Variants in FOXP2 observed in about 807,000 individuals in gnomAD.
FOXP2 encodes forkhead box protein P2.
Under a neutral mutation model 115.8 loss-of-function variants are expected in FOXP2, and 12 were observed. That is an observed-to-expected ratio of 0.10 (90% confidence interval 0.07 to 0.17). The LOEUF (loss-of-function observed/expected upper bound fraction) is 0.17. Ranked by LOEUF, FOXP2 falls within the 10% of genes least tolerant of loss-of-function variation. The pLI is 1.00. For synonymous variants in FOXP2, 328 were observed against 297.7 expected (o/e 1.10, Z -1.05); for missense variants, 629 against 843.5 (o/e 0.75, Z 3.15).
intron 2 of FOXP2, among the ~76,000 whole-genome samples, chr7:114,444,486 C>T (rs1337552526): frequency 6.6e-6 from 1 of 152,066 alleles, no homozygotes; most frequent in Non-Finnish European, 1.5e-5. Context: ...TTCTGCTAAG[C>T]CATGTTAGTA....
intron 2 of FOXP2, among the ~76,000 whole-genome samples, chr7:114,446,907 C>T (rs1479864248): frequency 6.6e-6 from 1 of 151,946 alleles, no homozygotes; most frequent in Admixed American, 6.6e-5. Context: ...TGCCAACACA[C>T]CTGGCTAATT....
Position 114,176,300 on chromosome 7 carries a change from C to CTT in FOXP2, c.-102+13213_-102+13214insTT, listed in dbSNP as rs778137071. ...TCTTTCTTTCTTTCTTTCTTTCTTTCTCTCTCTCTCTCTCTCTCTCTTTCT... is the reference window on the plus strand; with the variant it reads ...TCTTTCTTTCTTTCTTTCTTTCTTTCTTTCTCTCTCTCTCTCTCTCTCTTTCT... On this transcript the variant is annotated intron_variant, in intron 1 of 17. Coordinates refer to the FOXP2 transcript ENST00000634411. Among the ~76,000 whole-genome samples the CTT allele has an allele frequency of 2.5e-3, 272 of 106,852 alleles. 1 individual carries two copies. The highest frequency in any genetic ancestry group is 3.6e-3 in the African/African-American group (103 of 28,458). The allele number at this position is 106,852 out of a possible 152,430, so 70.1% of individuals were successfully genotyped here.
chr7:114,100,381 C>T (rs1799751718), intron 1 of FOXP2, among the ~76,000 whole-genome samples: 1 of 152,068 alleles, frequency 6.6e-6, no homozygotes, highest in Non-Finnish European at 1.5e-5. Context: ...ATAAGTGTTG[C>T]CTAATATAGA....
At chr7:114,133,271 A>G (rs1358228120) in intron 1 of FOXP2, among the ~76,000 whole-genome samples, 1 of 152,144 alleles carries the variant, frequency 6.6e-6, no homozygotes, top group African/African-American at 2.4e-5. Context: ...CCATAGAGAG[A>G]ACAGGTTTAT....
At chr7:114,165,874 A>T (rs890813445) in intron 1 of FOXP2, among the ~76,000 whole-genome samples, 1 of 152,228 alleles carries the variant, frequency 6.6e-6, no homozygotes, top group African/African-American at 2.4e-5. Flanking sequence ...ACTTAGTATA[A>T]AGCTAAGTAA....
intron 1 of FOXP2, among the ~76,000 whole-genome samples, chr7:114,230,362 A>G (rs916356634): frequency 6.6e-6 from 1 of 151,942 alleles, no homozygotes; most frequent in Non-Finnish European, 1.5e-5. Flanking sequence ...AACACTTCCA[A>G]ACTTATTTTA....
intron 3 of FOXP2, among the ~76,000 whole-genome samples, chr7:114,553,177 T>C (rs1487711922): frequency 6.6e-6 from 1 of 152,156 alleles, no homozygotes; most frequent in Non-Finnish European, 1.5e-5. Context: ...TGGAAACGAA[T>C]ATAGAGCTGG....
intron 1 of FOXP2, among the ~76,000 whole-genome samples, chr7:114,153,641 A>G (rs1792581386): frequency 6.6e-6 from 1 of 152,130 alleles, no homozygotes; most frequent in Admixed American, 6.6e-5. Flanking sequence ...CAAAGGTTGG[A>G]AGTTAACTCT....
intron 2 of FOXP2, among the ~76,000 whole-genome samples, chr7:114,396,639 A>G (rs1792749075): frequency 6.6e-6 from 1 of 151,962 alleles, no homozygotes; most frequent in Non-Finnish European, 1.5e-5. Flanking sequence ...GGAAGTATAG[A>G]GTAGAATGAT....
At chr7:114,263,649 A>G (rs1369396325) in intron 1 of FOXP2, among the ~76,000 whole-genome samples, 1 of 151,462 alleles carries the variant, frequency 6.6e-6, no homozygotes, top group African/African-American at 2.4e-5. Context: ...TCCCACCTTG[A>G]AATGTATTCT....
chr7:114,252,642 C>T (rs1480244759), intron 1 of FOXP2, among the ~76,000 whole-genome samples: 5 of 152,064 alleles, frequency 3.3e-5, no homozygotes, highest in Non-Finnish European at 5.9e-5. Context: ...GGTGATATCC[C>T]CTTTATCATT....
intron 1 of FOXP2, among the ~76,000 whole-genome samples, chr7:114,182,447 T>C (rs1384154919): frequency 6.6e-6 from 1 of 152,100 alleles, no homozygotes; most frequent in Non-Finnish European, 1.5e-5. Context: ...ATTTAACTAG[T>C]AGGTGAGTTT....
At chr7:114,594,866 T>TA (rs1347866313) in intron 3 of FOXP2, among the ~76,000 whole-genome samples, 2 of 151,960 alleles carry the variant, frequency 1.3e-5, no homozygotes, top group Admixed American at 6.6e-5. Context: ...TGAATATATA[T>TA]TTTTTTATAT....
intron 2 of FOXP2, among the ~76,000 whole-genome samples, chr7:114,305,210 G>T (rs143514068): frequency 6.6e-6 from 1 of 152,050 alleles, no homozygotes; most frequent in South Asian, 2.1e-4. Context: ...AGTGCACTGC[G>T]TTTCACAGAT....
At chr7:114,669,785 C>G (rs2129345021) in intron 16 of FOXP2, 1 of 152,144 alleles carries the variant, frequency 6.6e-6, no homozygotes, top group Non-Finnish European at 1.5e-5. Flanking sequence ...CAACCTAAGG[C>G]AAGAAGTGGA....
chr7:114,190,445 C>A (rs1793728270), intron 1 of FOXP2, among the ~76,000 whole-genome samples: 1 of 152,194 alleles, frequency 6.6e-6, no homozygotes, highest in Non-Finnish European at 1.5e-5. Flanking sequence ...GTTCTCTAGC[C>A]TTCAGACACA....
chr7:114,508,734 T>A (rs537958806), intron 2 of FOXP2, among the ~76,000 whole-genome samples: 8 of 152,220 alleles, frequency 5.3e-5, no homozygotes, highest in African/African-American at 1.9e-4. Flanking sequence ...TAAAAAGGAT[T>A]GATCTGGGCT....
At chr7:114,663,073 A>C (rs1173718418) in intron 14 of FOXP2, among the ~76,000 whole-genome samples, 3 of 152,146 alleles carry the variant, frequency 2.0e-5, no homozygotes, top group Non-Finnish European at 4.4e-5. Flanking sequence ...ATTAACCATT[A>C]ATTATTTCCT....
intron 1 of FOXP2, among the ~76,000 whole-genome samples, chr7:114,213,735 A>G (rs1001823958): frequency 7.2e-5 from 11 of 152,204 alleles, no homozygotes; most frequent in Non-Finnish European, 1.3e-4. Context: ...CTTGATTTGA[A>G]TGCTATGATG....
Sources: gnomAD v4.1 joint callset for allele counts (sites outside exome capture counted in the v4.1 genomes callset) on GRCh38, gnomAD v4.1.1 for gene constraint, MANE v1.5 for transcripts, NCBI Gene and HGNC (gene_info 2026-07-23, HGNC 2026-07-21) for gene names.